The following YPEL2 variants were observed in gnomAD, a reference collection of about 807,000 sequenced individuals.
YPEL2 encodes yippee like 2.
A neutral mutation model predicts 19.1 loss-of-function variants in YPEL2; 2 were observed. That is an observed-to-expected ratio of 0.10 (90% CI 0.04 to 0.33). The LOEUF (loss-of-function observed/expected upper bound fraction) is 0.33. Among genes scored for constraint, YPEL2 ranks in the 10% least tolerant of loss-of-function variants. The pLI, the probability that YPEL2 is intolerant of heterozygous loss-of-function variation, is 1.00. For missense variants in YPEL2, 66 were observed against 140.7 expected, an observed-to-expected ratio of 0.47 and a Z score of 2.68; for synonymous variants, 52 against 50.0, an observed-to-expected ratio of 1.04 and a Z score of -0.17.
At chr17:59,397,007 G>A in intron 4 of YPEL2, 94 bp from the exon 5 acceptor site, 3 of 867,850 alleles carry the variant, frequency 3.5e-6, no homozygotes, top group Non-Finnish European at 5.1e-6. Context: ...CTCCAGCCTG[G>A]GTGACAGAGT....
At chr17:59,391,972 A>G (rs987728960) in intron 4 of YPEL2, among the ~76,000 whole-genome samples, 10 of 151,386 alleles carry the variant, frequency 6.6e-5, no homozygotes, top group East Asian at 5.8e-4. Flanking sequence ...ACAGCTTCCT[A>G]TGGTTGGCTT....
chr17:59,337,248 T>C (rs111571630), intron 1 of YPEL2, among the ~76,000 whole-genome samples: 37,818 of 147,534 alleles, frequency 0.26, 5,036 homozygotes, highest in East Asian at 0.4. Flanking sequence ...AGTGCAGTGG[T>C]GCAATCTCGG....
At chr17:59,386,045 G>A (rs148576303) in intron 2 of YPEL2, among the ~76,000 whole-genome samples, 228 of 152,270 alleles carry the variant, frequency 1.5e-3, no homozygotes, top group African/African-American at 5.2e-3. Context: ...AAAACAGGCC[G>A]GGTGCGGTGG....
In YPEL2 at chr17:59,385,890, G is replaced by T. The variant is rs753429432; in HGVS notation, c.118-2437G>T. Reference sequence around the variant, plus strand: ...AGAATATTTAATAAATGACTACTGTGTGCCAGATGCACATTCTTATGTGTT... The same window carrying T: ...AGAATATTTAATAAATGACTACTGTTTGCCAGATGCACATTCTTATGTGTT... On this transcript the variant is annotated intron_variant, in intron 2 of 4. Transcript: ENST00000312655. Among the ~76,000 whole-genome samples, 6 of 152,228 alleles carry T rather than the reference G, an allele frequency of 3.9e-5. No individual in the cohort carries two copies. The South Asian group carries it at 1.2e-3, about 31-fold the overall frequency.
At position 59,332,132 on chromosome 17, in the gene YPEL2, G is replaced by A. The variant is rs1036758111; in HGVS notation, c.-196+308G>A. 8.5e-5 allele frequency among the ~76,000 whole-genome samples: 13 copies of A among 152,212 alleles called. No homozygotes were observed. The East Asian group carries it at 2.3e-3, about 27-fold the overall frequency. Reference sequence around the variant, plus strand: ...CGCGCCAGGGGCTGGGCGAGTCTGCGGGGCCAGGTTTGGGGCGGGGGTGCG... The same window carrying A: ...CGCGCCAGGGGCTGGGCGAGTCTGCAGGGCCAGGTTTGGGGCGGGGGTGCG... On this transcript the variant is annotated intron_variant, in intron 1 of 4. Transcript: ENST00000312655.
chr17:59,393,975 C>T (rs1439301628), intron 4 of YPEL2, among the ~76,000 whole-genome samples: 3 of 152,278 alleles, frequency 2.0e-5, no homozygotes, highest in Non-Finnish European at 4.4e-5. Context: ...TCCCCCTTTT[C>T]TATTCCACAA....
At chr17:59,395,942 A>G (rs2048037014) in intron 4 of YPEL2, among the ~76,000 whole-genome samples, 2 of 152,236 alleles carry the variant, frequency 1.3e-5, no homozygotes, top group South Asian at 4.1e-4. Context: ...TTAGCTGGGC[A>G]TGGTGGCAGG....
At chr17:59,344,051 G>A (rs1160745747) in intron 1 of YPEL2, among the ~76,000 whole-genome samples, 1 of 152,158 alleles carries the variant, frequency 6.6e-6, no homozygotes, top group Non-Finnish European at 1.5e-5. Context: ...TGGGCAACTG[G>A]AAGCAGGAAC....
chr17:59,388,290 G>A (rs1470266810), intron 2 of YPEL2, 37 bp from the exon 3 acceptor site: 1 of 1,610,762 alleles, frequency 6.2e-7, no homozygotes, highest in Non-Finnish European at 8.5e-7. Flanking sequence ...TAGGTGAAAT[G>A]GATGTCTAAC....
intron 1 of YPEL2, among the ~76,000 whole-genome samples, chr17:59,347,258 A>G (rs1224879084): frequency 6.6e-6 from 1 of 152,124 alleles, no homozygotes; most frequent in African/African-American, 2.4e-5. Flanking sequence ...ACAGCTAGTA[A>G]ATGACAGAGC....
intron 2 of YPEL2, among the ~76,000 whole-genome samples, chr17:59,382,825 T>C (rs1483977152): frequency 1.3e-5 from 2 of 152,178 alleles, no homozygotes; most frequent in African/African-American, 4.8e-5. Flanking sequence ...GTTTTTTCTG[T>C]AGAGATGAGG....
chr17:59,350,616 TA>T (rs1193978759), intron 1 of YPEL2, among the ~76,000 whole-genome samples: 1 of 152,204 alleles, frequency 6.6e-6, no homozygotes, highest in African/African-American at 2.4e-5. Flanking sequence ...CACTCACATT[TA>T]ATACAAACAA....
intron 2 of YPEL2, among the ~76,000 whole-genome samples, chr17:59,359,699 T>C (rs957876353): frequency 3.3e-5 from 5 of 152,014 alleles, no homozygotes; most frequent in Non-Finnish European, 5.9e-5. Context: ...AAAATTCGAG[T>C]ATGTTTTAAG....
chr17:59,383,442 C>A (rs1214056150), intron 2 of YPEL2, among the ~76,000 whole-genome samples: 1 of 149,950 alleles, frequency 6.7e-6, no homozygotes, highest in African/African-American at 2.4e-5. Context: ...ACTAAAAATA[C>A]AAAAAATTAG....
At chr17:59,380,139 T>A (rs2147952557) in intron 2 of YPEL2, among the ~76,000 whole-genome samples, 1 of 151,760 alleles carries the variant, frequency 6.6e-6, no homozygotes, top group African/African-American at 2.4e-5. Context: ...GGAAAAGTGC[T>A]GGGATTACAG....
intron 2 of YPEL2, among the ~76,000 whole-genome samples, chr17:59,386,102 T>A (rs1207878571): frequency 6.6e-6 from 1 of 152,036 alleles, no homozygotes; most frequent in Non-Finnish European, 1.5e-5. Context: ...GCAGGCGGAT[T>A]GTTTAAGCCT....
At chr17:59,390,176 A>C (rs2048000620) in intron 4 of YPEL2, among the ~76,000 whole-genome samples, 1 of 151,620 alleles carries the variant, frequency 6.6e-6, no homozygotes, top group African/African-American at 2.4e-5. Context: ...TATTTTTTGT[A>C]TTTTTAGTAG....
chr17:59,368,050 GATACAGAAATGGATACAA>G (rs1466418853), intron 2 of YPEL2, among the ~76,000 whole-genome samples: 2 of 152,016 alleles, frequency 1.3e-5, no homozygotes, highest in African/African-American at 2.4e-5. Context: ...AAGCACTGGG[GATACAGAAATGGATACAA>G]ATACAGAAAT....
At chr17:59,380,605 G>A (rs2047944459) in intron 2 of YPEL2, among the ~76,000 whole-genome samples, 1 of 152,200 alleles carries the variant, frequency 6.6e-6, no homozygotes, top group Middle Eastern at 3.2e-3. Context: ...GTGTGAGTGA[G>A]AGCTATTTTA....
Sources: gnomAD v4.1 joint callset for allele counts (sites outside exome capture counted in the v4.1 genomes callset) on GRCh38, gnomAD v4.1.1 for gene constraint, MANE v1.5 for transcripts, NCBI Gene and HGNC (gene_info 2026-07-23, HGNC 2026-07-21) for gene names.